Variants in RRP1B observed in about 807,000 individuals in gnomAD.
The protein encoded by RRP1B is ribosomal RNA processing 1B.
In RRP1B, 56 loss-of-function variants were observed where a neutral mutation model predicts 80.2. That is an observed-to-expected ratio of 0.70 (90% CI 0.56 to 0.87). The LOEUF (loss-of-function observed/expected upper bound fraction) is 0.87. RRP1B is among the 40% of genes least tolerant of loss of function. The pLI is 0.00. For synonymous variants in RRP1B, 351 were observed against 357.6 expected (o/e 0.98, Z 0.21); for missense variants, 807 against 939.8 (o/e 0.86, Z 1.85).
chr21:43,667,723 T>C (rs887007723), intron 1 of RRP1B, among the ~76,000 whole-genome samples: 3 of 152,128 alleles, frequency 2.0e-5, no homozygotes, highest in Admixed American at 1.3e-4. Context: ...TCAGCTCTAG[T>C]GGGGTTTATT....
intron 13 of RRP1B, among the ~76,000 whole-genome samples, chr21:43,689,382 A>G (rs1285792588): frequency 1.3e-5 from 2 of 152,220 alleles, no homozygotes; most frequent in African/African-American, 4.8e-5. Context: ...GTTTGGGGCT[A>G]AGAGTGTCTG....
Position 43,676,721 on chromosome 21 carries a change from T to TTC in RRP1B, c.615-10_615-9dup. The TTC allele has an allele frequency of 6.2e-7, 1 of 1,612,408 alleles. No individual in the cohort carries two copies. The highest frequency in any genetic ancestry group is 8.5e-7 in the Non-Finnish European group (1 of 1,179,154). The stretch of plus-strand genomic sequence containing the variant: ...TCTCATCACATGCTCTCCGCTGTGC[T>TTC]TCTACCCTCAGCCACACCCTGGTAC... On this transcript the variant is annotated splice_polypyrimidine_tract_variant and intron_variant, in intron 7 of 15. Coordinates refer to ENST00000340648, the MANE Select transcript of RRP1B (RefSeq NM_015056.3).
intron 13 of RRP1B, among the ~76,000 whole-genome samples, chr21:43,689,333 C>T (rs1218738460): frequency 6.6e-6 from 1 of 152,262 alleles, no homozygotes; most frequent in Non-Finnish European, 1.5e-5. Flanking sequence ...TATGACATCT[C>T]TTGTTTAAGT....
At chr21:43,672,226 G>A (rs1568955860) in intron 2 of RRP1B, 82 bp from the exon 3 acceptor site, 4 of 1,225,170 alleles carry the variant, frequency 3.3e-6, no homozygotes, top group Middle Eastern at 2.0e-4. Flanking sequence ...GCGGAAGTGG[G>A]AGAAGGAAGC....
intron 2 of RRP1B, among the ~76,000 whole-genome samples, chr21:43,672,107 A>G (rs1205261401): frequency 6.6e-6 from 1 of 152,256 alleles, no homozygotes; most frequent in Non-Finnish European, 1.5e-5. Flanking sequence ...AGACATACCA[A>G]GTTAGCATAA....
rs373578426 is a variant in RRP1B, at chr21:43,672,235, GCAGGCCGCGGCA to G, written c.214-67_214-56del. ...CCACGAGCGGAAGTGGGAGAAGGAA[GCAGGCCGCGGCA>G]CAGGCATCTCATGTTGCCCCACGAT... On this transcript the variant is annotated intron_variant, in intron 2 of 15. Coordinates refer to ENST00000340648, the MANE Select transcript of RRP1B (RefSeq NM_015056.3). 5.8e-5 allele frequency: 78 copies of G among 1,342,628 alleles called. No homozygotes were observed. The African/African-American group carries it at 9.2e-4, about 16-fold the overall frequency. 83.2% of individuals were successfully genotyped at this position (1,342,628 alleles called of 1,614,324 possible).
At chr21:43,685,410 A>G (rs2083059217) in intron 10 of RRP1B, among the ~76,000 whole-genome samples, 2 of 152,174 alleles carry the variant, frequency 1.3e-5, no homozygotes, top group Non-Finnish European at 2.9e-5. Flanking sequence ...GCCTTTCTCC[A>G]CTGGAGAATT....
At chr21:43,668,785 C>A (rs1267197866) in intron 1 of RRP1B, among the ~76,000 whole-genome samples, 3 of 152,196 alleles carry the variant, frequency 2.0e-5, no homozygotes, top group African/African-American at 7.2e-5. Flanking sequence ...CTCCTAGGAT[C>A]TCCTAGTAAA....
Position 43,685,808 on chromosome 21 carries a change from C to T in RRP1B, c.1009+19C>T, listed in dbSNP as rs758036258. On this transcript the variant is annotated intron_variant, in intron 11 of 15. Transcript: ENST00000340648. Reference sequence around the variant, plus strand: ...TCTGAAGGTGAGGCGCGCCAAGAATCATCATTCATGGTGTTTTTCGTGAAT... The same window carrying T: ...TCTGAAGGTGAGGCGCGCCAAGAATTATCATTCATGGTGTTTTTCGTGAAT... 6 of 1,590,800 alleles carry T rather than the reference C, an allele frequency of 3.8e-6. No homozygotes were observed. The highest frequency in any genetic ancestry group is 5.1e-6 in the Non-Finnish European group (6 of 1,168,150).
At chr21:43,674,011 T>C in intron 4 of RRP1B, 56 bp downstream of exon 4, 1 of 1,311,716 alleles carries the variant, frequency 7.6e-7, no homozygotes, top group South Asian at 1.3e-5. Flanking sequence ...ATGTCCTTTA[T>C]CTTAAAAACA....
Position 43,688,067 on chromosome 21 carries a change from C to A in RRP1B, c.1693C>A (p.Pro565Thr), listed in dbSNP as rs745909623. The change falls in exon 13 of 16, where the codon CCC becomes ACC. Residue 565 changes from proline (P) to threonine (T), a missense_variant. Coordinates refer to ENST00000340648, the MANE Select transcript of RRP1B (RefSeq NM_015056.3). The stretch of plus-strand genomic sequence containing the variant: ...GGGGGCGAACAGCCACACCACGCTG[C>A]CCCAGCGCAGGAGGCTGCAGAAAAA... Reference protein sequence around the residue: ...AEGANSHTTLPQRRRLQKKKA... With the variant: ...AEGANSHTTLTQRRRLQKKKA... 22 of 1,612,282 alleles carry A rather than the reference C, an allele frequency of 1.4e-5. No individual in the cohort carries two copies. The Middle Eastern group carries it at 6.6e-4, about 48-fold the overall frequency.
rs755384173 is a variant in RRP1B, at chr21:43,687,833, T to C, written c.1459T>C (p.Leu487=). 3 of 1,613,250 alleles carry C rather than the reference T, an allele frequency of 1.9e-6. No individual in the cohort carries two copies. Among genetic ancestry groups the C allele is most frequent in the Non-Finnish European group, 1.7e-6 (2 of 1,180,020 alleles). The change falls in exon 13 of 16, where the codon TTG becomes CTG. Residue 487 remains leucine, a synonymous_variant. Transcript: ENST00000340648. ...GAGCCCGAGGGCCCACAGGGAAATG[T>C]TGGAATCAGCAGTGTTGCCCCCAGA... ...KKSPRAHREM[L]ESAVLPPEDM...
intron 1 of RRP1B, among the ~76,000 whole-genome samples, chr21:43,666,475 A>G (rs768477846): frequency 3.3e-5 from 5 of 152,156 alleles, no homozygotes; most frequent in Non-Finnish European, 7.4e-5. Flanking sequence ...TCCCAGCACT[A>G]TGGGAGGCCA....
chr21:43,676,370 G>T, intron 7 of RRP1B, 34 bp downstream of exon 7: 1 of 1,539,552 alleles, frequency 6.5e-7, no homozygotes, highest in Non-Finnish European at 9.0e-7. Context: ...CTCCTGCTCC[G>T]TGGCATTTGC....
intron 4 of RRP1B, 55 bp from the exon 5 acceptor site, chr21:43,674,581 C>CT: frequency 1.2e-6 from 1 of 837,706 alleles, no homozygotes; most frequent in South Asian, 2.2e-5. Flanking sequence ...TATTTCTTAC[C>CT]TTTCCTTTTT....
At chr21:43,663,864 C>T (rs1165302741) in intron 1 of RRP1B, among the ~76,000 whole-genome samples, 5 of 152,100 alleles carry the variant, frequency 3.3e-5, no homozygotes, top group Non-Finnish European at 7.4e-5. Context: ...ACCTGGCCTA[C>T]CTCATTCATT....
rs561109671 is a variant in RRP1B at position 43,674,804 on chromosome 21, G to A, written c.419+107G>A. 1.4e-4 allele frequency: 147 copies of A among 1,086,684 alleles called. No homozygotes were observed. In the African/African-American group the frequency reaches 2.0e-3, roughly 15 times the overall value. The allele number at this position is 1,086,684 out of a possible 1,614,324, so 67.3% of individuals were successfully genotyped here. ...GTACCAATGAGAAGCTCGATACATC[G>A]TTACCTATAGAGAATTGAAATCCAG... On this transcript the variant is annotated intron_variant, in intron 5 of 15. Coordinates refer to ENST00000340648, the MANE Select transcript of RRP1B (RefSeq NM_015056.3).
intron 2 of RRP1B, 57 bp downstream of exon 2, chr21:43,670,023 C>T (rs1232864405): frequency 1.6e-6 from 2 of 1,269,700 alleles, no homozygotes. Flanking sequence ...GGATAAGAGA[C>T]TTGATCACTC....
At chr21:43,684,128 G>A (rs1240121808) in intron 9 of RRP1B, among the ~76,000 whole-genome samples, 3 of 148,974 alleles carry the variant, frequency 2.0e-5, no homozygotes, top group African/African-American at 5.0e-5. Flanking sequence ...CTGGAGTGCG[G>A]TGGCTCGATC....
Sources: gnomAD v4.1 joint callset for allele counts (sites outside exome capture counted in the v4.1 genomes callset) on GRCh38, gnomAD v4.1.1 for gene constraint, MANE v1.5 for transcripts, NCBI Gene and HGNC (gene_info 2026-07-23, HGNC 2026-07-21) for gene names.